GRM7: variants seen among roughly 807,000 people sequenced by gnomAD.
GRM7 encodes glutamate metabotropic receptor 7.
In GRM7, 35 loss-of-function variants were observed where a neutral mutation model predicts 84.5. The observed-to-expected ratio is 0.41, with a 90% confidence interval of 0.32 to 0.55. The LOEUF is 0.55. Among genes scored for constraint, GRM7 ranks in the 20% least tolerant of loss-of-function variants. The pLI, the probability that GRM7 is intolerant of heterozygous loss-of-function variation, is 0.19. For missense variants in GRM7, 1,003 were observed against 1,194.6 expected, an observed-to-expected ratio of 0.84 and a Z score of 2.36; for synonymous variants, 487 against 455.1, an observed-to-expected ratio of 1.07 and a Z score of -0.89.
intron 8 of GRM7, among the ~76,000 whole-genome samples, chr3:7,583,556 T>C (rs373964509): frequency 4.6e-5 from 7 of 152,222 alleles, no homozygotes; most frequent in African/African-American, 1.7e-4. Flanking sequence ...TCTGATTTAG[T>C]TTCGGATTCT....
intron 1 of GRM7, among the ~76,000 whole-genome samples, chr3:7,040,682 T>C (rs1696568529): frequency 1.3e-5 from 2 of 152,114 alleles, no homozygotes; most frequent in Non-Finnish European, 2.9e-5. Flanking sequence ...TTGCTACTTA[T>C]AGGTGTGTCT....
At chr3:6,962,825 C>T (rs1289766880) in intron 1 of GRM7, among the ~76,000 whole-genome samples, 1 of 151,994 alleles carries the variant, frequency 6.6e-6, no homozygotes, top group Non-Finnish European at 1.5e-5. Flanking sequence ...GACTAATAGC[C>T]CAATAGGAGA....
At chr3:7,375,465 ACAT>A (rs1331946953) in intron 4 of GRM7, among the ~76,000 whole-genome samples, 1 of 151,786 alleles carries the variant, frequency 6.6e-6, no homozygotes, top group Non-Finnish European at 1.5e-5. Flanking sequence ...TGATCCACCC[ACAT>A]CAGCCTCCCA....
rs1465141070 is a variant in GRM7, at chr3:7,668,445, T to TCTC, written c.2452-11593_2452-11591dup. Reference sequence around the variant, plus strand: ...CTGGAGGAGGAGATACACTACTCTCTCTCCTCCTCCTCCCTTTCTCTCTCT... The same window carrying TCTC: ...CTGGAGGAGGAGATACACTACTCTCTCTCCTCCTCCTCCTCCCTTTCTCTCTCT... On this transcript the variant is annotated intron_variant, in intron 8 of 9. Coordinates refer to ENST00000357716, the MANE Select transcript of GRM7 (RefSeq NM_000844.4). 1.8e-4 allele frequency among the ~76,000 whole-genome samples: 27 copies of TCTC among 152,328 alleles called. No homozygotes were observed. The East Asian group carries it at 5.0e-3, about 28-fold the overall frequency.
chr3:7,465,776 G>T (rs779716), intron 7 of GRM7, among the ~76,000 whole-genome samples: 34,614 of 152,036 alleles, frequency 0.23, 4,187 homozygotes, highest in Admixed American at 0.33. Flanking sequence ...GTCAGTAATT[G>T]CAAATGAATT....
rs56250356 is a variant in GRM7, at chr3:7,726,613, CTATATATATATATATATATATATATATA to C, written c.2699-13719_2699-13692del. On this transcript the variant is annotated intron_variant, in intron 9 of 9. Transcript: ENST00000357716. Reference sequence around the variant, plus strand: ...TCATTTTCTCCGTCTCTCTCTCCCTCTATATATATATATATATATATATATATATATATATATATATATATATATATAG... The same window carrying C: ...TCATTTTCTCCGTCTCTCTCTCCCTCTATATATATATATATATATATATAG... Among the ~76,000 whole-genome samples the C allele has an allele frequency of 7.3e-3, 427 of 58,104 alleles. 15 individuals are homozygous for C. The Middle Eastern group carries it at 0.095, about 13-fold the overall frequency. 38.1% of individuals were successfully genotyped at this position (58,104 alleles called of 152,430 possible). A position where few individuals can be genotyped will look rare whatever the true frequency, so the allele number is the denominator to read the frequency against.
At chr3:6,910,703 T>C (rs922968614) in intron 1 of GRM7, among the ~76,000 whole-genome samples, 2 of 152,042 alleles carry the variant, frequency 1.3e-5, no homozygotes, top group Non-Finnish European at 2.9e-5. Context: ...CTGGGCAACA[T>C]AGCAAGAACC....
intron 1 of GRM7, among the ~76,000 whole-genome samples, chr3:7,071,326 CA>C (rs974087632): frequency 8.8e-4 from 134 of 152,250 alleles, no homozygotes; most frequent in African/African-American, 3.0e-3. Context: ...TGACTTCTCT[CA>C]AAGGAACATC....
At chr3:7,058,158 T>C (rs1360700671) in intron 1 of GRM7, among the ~76,000 whole-genome samples, 2 of 152,058 alleles carry the variant, frequency 1.3e-5, no homozygotes, top group East Asian at 3.9e-4. Flanking sequence ...TGATTGACCA[T>C]ATTACATTTT....
At chr3:7,724,559 C>T (rs1231758837) in intron 9 of GRM7, among the ~76,000 whole-genome samples, 2 of 152,200 alleles carry the variant, frequency 1.3e-5, no homozygotes, top group African/African-American at 4.8e-5. Flanking sequence ...CTCATGGAAG[C>T]AGATAAGGAC....
intron 1 of GRM7, among the ~76,000 whole-genome samples, chr3:6,989,612 T>C (rs1244907612): frequency 1.3e-5 from 2 of 152,206 alleles, no homozygotes; most frequent in African/African-American, 2.4e-5. Flanking sequence ...GACATCTGAA[T>C]CTAGATTGAA....
intron 2 of GRM7, among the ~76,000 whole-genome samples, chr3:7,267,550 G>A (rs536231829): frequency 2.0e-5 from 3 of 152,190 alleles, no homozygotes; most frequent in Admixed American, 2.0e-4. Context: ...AACACCGGGG[G>A]TTGGGTCTAG....
intron 8 of GRM7, among the ~76,000 whole-genome samples, chr3:7,620,352 T>C (rs923467573): frequency 1.3e-5 from 2 of 152,190 alleles, no homozygotes; most frequent in Non-Finnish European, 2.9e-5. Context: ...ATAAGAATTT[T>C]ATCTATTTGC....
chr3:7,612,918 A>G (rs1370035435), intron 8 of GRM7, among the ~76,000 whole-genome samples: 1 of 152,216 alleles, frequency 6.6e-6, no homozygotes, highest in African/African-American at 2.4e-5. Flanking sequence ...ATTTCTTTCA[A>G]CTCTGCAGAG....
At chr3:6,931,920 A>G (rs1341095119) in intron 1 of GRM7, among the ~76,000 whole-genome samples, 1 of 152,230 alleles carries the variant, frequency 6.6e-6, no homozygotes, top group East Asian at 1.9e-4. Context: ...AGTGAAGAAG[A>G]AAGTCGATTA....
chr3:7,499,934 C>T lies in GRM7; in HGVS notation c.1515+38212C>T, dbSNP rs143836208. On this transcript the variant is annotated intron_variant, in intron 7 of 9. Transcript: ENST00000357716. Reference sequence around the variant, plus strand: ...GGACTACAGGTGCCCGTCACCACGCCCGGCTAATTTTTTGTATTTTTAGTG... The same window carrying T: ...GGACTACAGGTGCCCGTCACCACGCTCGGCTAATTTTTTGTATTTTTAGTG... 5.3e-4 allele frequency among the ~76,000 whole-genome samples: 80 copies of T among 152,206 alleles called. No individual in the cohort carries two copies. The East Asian group carries it at 0.015, about 29-fold the overall frequency.
At chr3:7,304,866 T>G (rs1300867426) in intron 3 of GRM7, among the ~76,000 whole-genome samples, 1 of 152,214 alleles carries the variant, frequency 6.6e-6, no homozygotes, top group Non-Finnish European at 1.5e-5. Flanking sequence ...TTTTCCTTGT[T>G]AATATTTCTA....
At chr3:7,308,381 C>G (rs1348639657) in intron 4 of GRM7, among the ~76,000 whole-genome samples, 1 of 152,110 alleles carries the variant, frequency 6.6e-6, no homozygotes, top group East Asian at 1.9e-4. Context: ...GGAACTACCT[C>G]TTTACTTGTC....
At position 6,862,852 on chromosome 3, in the gene GRM7, C is replaced by A. The variant is rs1694807885; in HGVS notation, c.519+945C>A. 3 of 343,074 alleles carry A rather than the reference C, an allele frequency of 8.7e-6. No individual in the cohort carries two copies. Among genetic ancestry groups the A allele is most frequent in the South Asian group, 4.2e-5 (2 of 47,484 alleles). 21.3% of individuals were successfully genotyped at this position (343,074 alleles called of 1,614,324 possible). A position where few individuals can be genotyped will look rare whatever the true frequency, so the allele number is the denominator to read the frequency against. On this transcript the variant is annotated intron_variant, in intron 1 of 9. Coordinates refer to ENST00000357716, the MANE Select transcript of GRM7 (RefSeq NM_000844.4). The surrounding 1 kb of genome is among the most constrained non-coding windows in gnomAD (Gnocchi z 5.2). Reference sequence around the variant, plus strand: ...GGCAGAGGGGTGCGTGAAGCGGGGCCCCGTGGTCCTCCTGCTCCGGTGCCG... The same window carrying A: ...GGCAGAGGGGTGCGTGAAGCGGGGCACCGTGGTCCTCCTGCTCCGGTGCCG...
Sources: allele counts gnomAD v4.1 joint callset (sites outside exome capture counted in the v4.1 genomes callset), GRCh38; gene constraint gnomAD v4.1.1; non-coding constraint Gnocchi (gnomAD v3.1); transcripts MANE v1.5; gene names NCBI Gene and HGNC (gene_info 2026-07-23, HGNC 2026-07-21).